ARHGAP15: variants seen among roughly 807,000 people sequenced by gnomAD.
ARHGAP15 encodes the protein Rho GTPase activating protein 15.
Under a neutral mutation model 63.7 loss-of-function variants are expected in ARHGAP15, and 51 were observed. The observed-to-expected ratio is 0.80, with a 90% CI of 0.64 to 1.01. The LOEUF is 1.01. Ranked by LOEUF, ARHGAP15 falls within the 50% of genes least tolerant of loss-of-function variation. The probability of loss-of-function intolerance (pLI) is 0.00; values close to 1 mark genes in which losing one functional copy is unlikely to be tolerated. For missense variants in ARHGAP15, 560 were observed against 564.6 expected (o/e 0.99, Z 0.08); for synonymous variants, 191 against 193.8 (o/e 0.99, Z 0.12).
intron 6 of ARHGAP15, among the ~76,000 whole-genome samples, chr2:143,266,256 TAATACTGTC>T (rs1230228852): frequency 3.3e-5 from 5 of 152,174 alleles, no homozygotes; most frequent in Non-Finnish European, 2.9e-5. Flanking sequence ...GCCCTTTTGA[TAATACTGTC>T]AATTTATCTT....
At chr2:143,530,343 G>A (rs1028482020) in intron 10 of ARHGAP15, among the ~76,000 whole-genome samples, 1 of 152,044 alleles carries the variant, frequency 6.6e-6, no homozygotes, top group Non-Finnish European at 1.5e-5. Flanking sequence ...GACGGAAATA[G>A]GGCAATGACC....
chr2:143,558,933 A>G (rs1207153523), intron 11 of ARHGAP15, among the ~76,000 whole-genome samples: 2 of 152,138 alleles, frequency 1.3e-5, no homozygotes, highest in African/African-American at 4.8e-5. Context: ...TTTGTCTTTC[A>G]CAATTACTCT....
chr2:143,153,129 T>G (rs941765308), intron 1 of ARHGAP15, among the ~76,000 whole-genome samples: 1 of 151,914 alleles, frequency 6.6e-6, no homozygotes, highest in Non-Finnish European at 1.5e-5. Flanking sequence ...TTTGTCCAGC[T>G]TCTGAGGAAG....
At chr2:143,494,426 T>C (rs919577857) in intron 9 of ARHGAP15, among the ~76,000 whole-genome samples, 1 of 152,172 alleles carries the variant, frequency 6.6e-6, no homozygotes, top group Non-Finnish European at 1.5e-5. Flanking sequence ...TCCTATACAA[T>C]AGTGAGGATG....
intron 10 of ARHGAP15, among the ~76,000 whole-genome samples, chr2:143,524,729 G>A (rs932580010): frequency 6.6e-6 from 1 of 152,142 alleles, no homozygotes; most frequent in African/African-American, 2.4e-5. Flanking sequence ...TTAATATCAC[G>A]AGAAAGCGTG....
intron 13 of ARHGAP15, among the ~76,000 whole-genome samples, chr2:143,707,175 G>T (rs1328121639): frequency 2.0e-5 from 3 of 152,154 alleles, no homozygotes; most frequent in Non-Finnish European, 4.4e-5. Flanking sequence ...GGTAGAAAGA[G>T]GAGAGAACCC....
intron 9 of ARHGAP15, among the ~76,000 whole-genome samples, chr2:143,502,732 A>C (rs1693121648): frequency 6.6e-6 from 1 of 151,944 alleles, no homozygotes; most frequent in Non-Finnish European, 1.5e-5. Flanking sequence ...GGCACCCACC[A>C]CTATGCCTGG....
intron 7 of ARHGAP15, 22 bp from the exon 8 acceptor site, chr2:143,436,891 T>C (rs1359631797): frequency 6.2e-7 from 1 of 1,600,710 alleles, no homozygotes; most frequent in Admixed American, 1.8e-5. Context: ...AATTATTCAG[T>C]CTAATTATTT....
At chr2:143,255,040 T>A (rs978434452) in intron 6 of ARHGAP15, among the ~76,000 whole-genome samples, 1 of 152,116 alleles carries the variant, frequency 6.6e-6, no homozygotes, top group African/African-American at 2.4e-5. Context: ...ACTCTAAAAA[T>A]TTACCTTTTC....
At chr2:143,523,632 A>G (rs1222383432) in intron 10 of ARHGAP15, among the ~76,000 whole-genome samples, 1 of 152,114 alleles carries the variant, frequency 6.6e-6, no homozygotes, top group Non-Finnish European at 1.5e-5. Context: ...TTCTACCCTA[A>G]AGATATTTTT....
chr2:143,589,653 T>G (rs748433462), intron 11 of ARHGAP15, among the ~76,000 whole-genome samples: 7 of 152,156 alleles, frequency 4.6e-5, no homozygotes, highest in African/African-American at 7.2e-5. Flanking sequence ...AGGGTAGGCT[T>G]CTTGAGTCTG....
chr2:143,405,120 T>G (rs1007367861), intron 6 of ARHGAP15, among the ~76,000 whole-genome samples: 1 of 151,828 alleles, frequency 6.6e-6, no homozygotes, highest in Non-Finnish European at 1.5e-5. Context: ...GCTAAATAAT[T>G]TGTAATGCAA....
At chr2:143,579,463 T>C (rs934781047) in intron 11 of ARHGAP15, among the ~76,000 whole-genome samples, 4 of 152,324 alleles carry the variant, frequency 2.6e-5, no homozygotes. Flanking sequence ...GAGGTGGGGC[T>C]CAGAGTTTCT....
At chr2:143,376,536 A>G (rs907137917) in intron 6 of ARHGAP15, among the ~76,000 whole-genome samples, 8 of 152,112 alleles carry the variant, frequency 5.3e-5, no homozygotes, top group Non-Finnish European at 1.0e-4. Context: ...ATTTTTATCA[A>G]TTTCAGATAT....
intron 6 of ARHGAP15, chr2:143,351,117 CG>C (rs1035394126): frequency 2.6e-5 from 4 of 151,856 alleles, no homozygotes; most frequent in Non-Finnish European, 2.9e-5. Context: ...GAATGGATGC[CG>C]TATGCACAAA....
intron 6 of ARHGAP15, among the ~76,000 whole-genome samples, chr2:143,303,749 T>G (rs1683028784): frequency 6.6e-6 from 1 of 151,780 alleles, no homozygotes; most frequent in Non-Finnish European, 1.5e-5. Context: ...TACAAAGAAC[T>G]CAAACAAATT....
intron 6 of ARHGAP15, among the ~76,000 whole-genome samples, chr2:143,378,794 G>T (rs1052737347): frequency 1.3e-5 from 2 of 151,912 alleles, no homozygotes; most frequent in African/African-American, 4.8e-5. Flanking sequence ...TCAAAGATTT[G>T]AATTATATCC....
intron 12 of ARHGAP15, among the ~76,000 whole-genome samples, chr2:143,656,934 G>GGGGTGT (rs1484394918): frequency 1.4e-5 from 2 of 144,936 alleles, no homozygotes; most frequent in Admixed American, 6.8e-5. Context: ...CAAAGTTTCT[G>GGGGTGT]GTGTGTGTGT....
intron 6 of ARHGAP15, among the ~76,000 whole-genome samples, chr2:143,270,930 G>T (rs935870115): frequency 6.6e-6 from 1 of 151,510 alleles, no homozygotes; most frequent in Non-Finnish European, 1.5e-5. Context: ...AAAAACATTT[G>T]AGGTCAAGTT....
Sources: allele counts gnomAD v4.1 joint callset (sites outside exome capture counted in the v4.1 genomes callset), GRCh38; gene constraint gnomAD v4.1.1; transcripts MANE v1.5; gene names NCBI Gene and HGNC (gene_info 2026-07-23, HGNC 2026-07-21).